Variants in PTPN3 observed in about 807,000 individuals in gnomAD.
PTPN3 encodes protein tyrosine phosphatase non-receptor type 3, also known as tyrosine-protein phosphatase non-receptor type 3.
In PTPN3, 96 loss-of-function variants were observed where a neutral mutation model predicts 132.7. That is an observed-to-expected ratio of 0.72 (90% confidence interval 0.61 to 0.86). The LOEUF is 0.86. Ranked by LOEUF, PTPN3 falls within the 40% of genes least tolerant of loss-of-function variation. The pLI, the probability that PTPN3 is intolerant of heterozygous loss-of-function variation, is 0.00. For synonymous variants in PTPN3, 398 were observed against 429.0 expected (o/e 0.93, Z 0.89); for missense variants, 1,125 against 1,159.6 (o/e 0.97, Z 0.43).
chr9:109,447,176 G>C (rs1048851779), intron 6 of PTPN3, among the ~76,000 whole-genome samples: 6 of 152,152 alleles, frequency 3.9e-5, no homozygotes, highest in African/African-American at 1.2e-4. Flanking sequence ...ATTTTGTTTG[G>C]AGAAGAAAAA....
intron 2 of PTPN3, 116 bp from the exon 3 acceptor site, chr9:109,457,515 CCCA>C (rs1483121397): frequency 1.2e-5 from 9 of 752,334 alleles, no homozygotes; most frequent in Non-Finnish European, 2.0e-5. Flanking sequence ...ACACACACTT[CCCA>C]CCACAAGAAA....
chr9:109,391,859 G>C (rs1175556268), intron 19 of PTPN3, among the ~76,000 whole-genome samples: 4 of 58,624 alleles, frequency 6.8e-5, no homozygotes, highest in African/African-American at 2.8e-4. Context: ...AGAGCTAAAA[G>C]CAACTAGATG....
chr9:109,482,035 C>T (rs1049783029), intron 1 of PTPN3, among the ~76,000 whole-genome samples: 6 of 152,204 alleles, frequency 3.9e-5, no homozygotes, highest in Admixed American at 6.5e-5. Context: ...AGCCTCTGCC[C>T]ATAGGCGCTT....
intron 14 of PTPN3, among the ~76,000 whole-genome samples, chr9:109,411,339 G>T (rs138993668): frequency 9.8e-5 from 15 of 152,302 alleles, no homozygotes; most frequent in Non-Finnish European, 1.5e-4. Context: ...AAACCTGACC[G>T]ATGTGCGTCC....
chr9:109,497,605 G>A (rs1205504722), intron 1 of PTPN3, among the ~76,000 whole-genome samples: 1 of 152,186 alleles, frequency 6.6e-6, no homozygotes, highest in African/African-American at 2.4e-5. Flanking sequence ...GGGAATTTCG[G>A]GGGGGCTGGG....
rs190904200 is a variant in PTPN3 at position 109,422,540 on chromosome 9, G to A, written c.1136+178C>T. Among the ~76,000 whole-genome samples, 11 of 152,202 alleles carry A rather than the reference G, an allele frequency of 7.2e-5. No homozygotes were observed. In the East Asian group the frequency reaches 1.9e-3, roughly 27 times the overall value. On this transcript the variant is annotated intron_variant, in intron 13 of 25. Coordinates refer to ENST00000374541, the MANE Select transcript of PTPN3 (RefSeq NM_002829.4). ...AAAAGAGCATCTCAGCATTATACAC[G>A]ATGGAAAACATTTAGCTAGACTTGT...
Position 109,444,131 on chromosome 9 carries a change from A to G in PTPN3, c.466+1109T>C, listed in dbSNP as rs547849869. Among the ~76,000 whole-genome samples, 3 of 152,286 alleles carry G rather than the reference A, an allele frequency of 2.0e-5. No homozygotes were observed. In the South Asian group the frequency reaches 6.2e-4, roughly 32 times the overall value. On this transcript the variant is annotated intron_variant, in intron 7 of 25. Coordinates refer to ENST00000374541, the MANE Select transcript of PTPN3 (RefSeq NM_002829.4). Reference sequence around the variant, plus strand: ...GATCATCTTGCTGCCTTATCTATCTATCACACAGTAGGTCAACAGGGTAAT... The same window carrying G: ...GATCATCTTGCTGCCTTATCTATCTGTCACACAGTAGGTCAACAGGGTAAT...
Position 109,382,393 on chromosome 9 carries a change from C to T in PTPN3, c.2437G>A (p.Gly813Ser), listed in dbSNP as rs1839181779. Reference sequence around the variant, plus strand: ...AAGTCGGAGGAGTCATCGGGCACACCGTGGTCAGGCCATGCGACGTACTGG... The same window carrying T: ...AAGTCGGAGGAGTCATCGGGCACACTGTGGTCAGGCCATGCGACGTACTGG... The part of the protein sequence containing the change: ...HLQYVAWPDH[G>S]VPDDSSDFLE... The change falls in exon 24 of 26, where the codon GGT (glycine) becomes AGT (serine). Residue 813 changes from glycine to serine, a missense_variant. Gly to Ser is a moderately conservative substitution (Grantham distance 56, BLOSUM62 0). Coordinates refer to ENST00000374541, the MANE Select transcript of PTPN3 (RefSeq NM_002829.4). 3.1e-6 allele frequency: 5 copies of T among 1,614,168 alleles called. No individual in the cohort carries two copies. Among genetic ancestry groups the T allele is most frequent in the Non-Finnish European group, 4.2e-6 (5 of 1,180,008 alleles).
chr9:109,492,031 A>G (rs1008023695), intron 1 of PTPN3, among the ~76,000 whole-genome samples: 2 of 152,218 alleles, frequency 1.3e-5, no homozygotes, highest in African/African-American at 4.8e-5. Context: ...AGCATCATGC[A>G]TAATTTTTCT....
chr9:109,378,216 C>T lies in PTPN3; in HGVS notation c.*1340G>A, dbSNP rs930719383. 5 of 152,132 alleles carry T rather than the reference C, an allele frequency of 3.3e-5. No individual in the cohort carries two copies. In the South Asian group the frequency reaches 6.2e-4, roughly 19 times the overall value. 9.4% of individuals were successfully genotyped at this position (152,132 alleles called of 1,614,324 possible). On this transcript the variant is annotated 3_prime_UTR_variant, in exon 26 of 26. Coordinates refer to ENST00000374541, the MANE Select transcript of PTPN3 (RefSeq NM_002829.4). ...CTTCCTCTTCTGAGTACATAAAAAC[C>T]GCTGTTCAAAAATACCACATTAAAT...
At chr9:109,392,416 C>A (rs115104251) in intron 19 of PTPN3, among the ~76,000 whole-genome samples, 1 of 151,052 alleles carries the variant, frequency 6.6e-6, no homozygotes, top group Non-Finnish European at 1.5e-5. Flanking sequence ...GAAATTCAGA[C>A]TAATATAAAG....
intron 22 of PTPN3, 107 bp from the exon 23 acceptor site, chr9:109,383,658 G>A: frequency 1.4e-6 from 2 of 1,436,758 alleles, no homozygotes; most frequent in Non-Finnish European, 1.9e-6. Context: ...GCACACCCGA[G>A]AGCACTGATG....
chr9:109,382,502 C>T lies in PTPN3; in HGVS notation c.2383-55G>A, dbSNP rs1018800765. ...CCATCCAGGTGGTGAGCATGAGGAC[C>T]CAGCCCCAACCCAGACACAGGGTGG... On this transcript the variant is annotated intron_variant, in intron 23 of 25. Coordinates refer to ENST00000374541, the MANE Select transcript of PTPN3 (RefSeq NM_002829.4). 1.9e-6 allele frequency: 3 copies of T among 1,593,354 alleles called. No individual in the cohort carries two copies. The African/African-American group carries it at 4.0e-5, about 21-fold the overall frequency.
chr9:109,495,793 A>G (rs1051516159), intron 1 of PTPN3, among the ~76,000 whole-genome samples: 4 of 152,240 alleles, frequency 2.6e-5, no homozygotes, highest in Non-Finnish European at 5.9e-5. Context: ...ATGATAAAAG[A>G]TGAATCGAGG....
chr9:109,421,646 A>G (rs565244345), intron 13 of PTPN3, among the ~76,000 whole-genome samples: 6 of 152,380 alleles, frequency 3.9e-5, no homozygotes, highest in East Asian at 1.9e-4. Flanking sequence ...GCTGTGTTAT[A>G]GCATAAATTT....
Position 109,381,696 on chromosome 9 carries a change from C to T in PTPN3, c.2620G>A (p.Val874Ile), listed in dbSNP as rs1444967868. The stretch of plus-strand genomic sequence containing the variant: ...GCGCGCTGGTCTCGCATTTTTCGGA[C>T]AATATCCAGTGGGTAAATGGGCAGG... ...RNLPIYPLDIVRKMRDQRAMM... is the reference protein window; with the variant it reads ...RNLPIYPLDIIRKMRDQRAMM... Residue 874 changes from valine (V) to isoleucine (I), a missense_variant, in exon 25 of 26, where the codon GTC (valine) becomes ATC (isoleucine). Physicochemically the swap from Val to Ile is conservative, Grantham distance 29. Coordinates refer to ENST00000374541, the MANE Select transcript of PTPN3 (RefSeq NM_002829.4). The T allele has an allele frequency of 6.2e-7, 1 of 1,614,078 alleles. No homozygotes were observed. The highest frequency in any genetic ancestry group is 2.2e-5 in the East Asian group (1 of 44,896).
chr9:109,469,120 G>T (rs1242292016), intron 1 of PTPN3, among the ~76,000 whole-genome samples: 1 of 152,212 alleles, frequency 6.6e-6, no homozygotes, highest in Non-Finnish European at 1.5e-5. Context: ...AGTCAGGGTT[G>T]GGTAACAGGG....
At chr9:109,437,226 G>A (rs17793718) in intron 8 of PTPN3, among the ~76,000 whole-genome samples, 4,916 of 152,260 alleles carry the variant, frequency 0.032, 172 homozygotes, top group East Asian at 0.2. Flanking sequence ...ATATTCAGAC[G>A]GAGAAGACTG....
chr9:109,451,762 T>C (rs1845260651), intron 5 of PTPN3, among the ~76,000 whole-genome samples: 1 of 152,162 alleles, frequency 6.6e-6, no homozygotes, highest in Admixed American at 6.5e-5. Context: ...AACTCCTAGG[T>C]TGCACTGGCC....
Sources: allele counts gnomAD v4.1 joint callset (sites outside exome capture counted in the v4.1 genomes callset), GRCh38; gene constraint gnomAD v4.1.1; transcripts MANE v1.5; gene names NCBI Gene and HGNC (gene_info 2026-07-23, HGNC 2026-07-21).